The following POLR1A variants were observed in gnomAD, a reference collection of about 807,000 sequenced individuals.
POLR1A encodes DNA-directed RNA polymerase I subunit RPA1.
POLR1A carries 84 observed loss-of-function variants against 205.3 expected under a neutral mutation model. That is an observed-to-expected ratio of 0.41 (90% CI 0.34 to 0.49). The LOEUF is 0.49. POLR1A is among the 20% of genes least tolerant of loss of function. The pLI is 0.22. For missense variants in POLR1A, 1,645 were observed against 2,204.5 expected (o/e 0.75, Z 5.08); for synonymous variants, 799 against 863.7 (o/e 0.93, Z 1.31).
chr2:86,089,808 C>G lies in POLR1A; in HGVS notation c.540+14G>C, dbSNP rs1673569514. The G allele has an allele frequency of 1.4e-6, 2 of 1,437,166 alleles. No individual in the cohort carries two copies. The highest frequency in any genetic ancestry group is 1.1e-5 in the South Asian group (1 of 87,350). The allele number at this position is 1,437,166 out of a possible 1,614,324, so 89.0% of individuals were successfully genotyped here. ...TGCCCAAAACAGCATGGGAGAAAGA[C>G]AGTGTTAACTCACATGTGCGCCCTG... On this transcript the variant is annotated intron_variant, in intron 4 of 33. Coordinates refer to ENST00000263857, the MANE Select transcript of POLR1A (RefSeq NM_015425.6).
chr2:86,049,021 G>C lies in POLR1A; in HGVS notation c.2497C>G (p.Leu833Val), dbSNP rs202117941. 6.2e-7 allele frequency: 1 copy of C among 1,614,242 alleles called. No individual in the cohort carries two copies. Among genetic ancestry groups the C allele is most frequent in the Non-Finnish European group, 8.5e-7 (1 of 1,180,034 alleles). ...GPQAVRAALNLPEAASYDEVR... is the reference protein window; with the variant it reads ...GPQAVRAALNVPEAASYDEVR... ...TCATCATATGATGCGGCTTCTGGCA[G>C]GTTTAATGCAGCCCTGACAGCCTAG... is the stretch of plus-strand genomic sequence containing the variant. Residue 833 changes from leucine (L) to valine (V), a missense_variant, in exon 18 of 34, where the codon CTG becomes GTG. Physicochemically the swap from Leu to Val is conservative, Grantham distance 32. Coordinates refer to ENST00000263857, the MANE Select transcript of POLR1A (RefSeq NM_015425.6).
intron 6 of POLR1A, 32 bp downstream of exon 6, chr2:86,088,534 A>T: frequency 7.3e-7 from 1 of 1,377,316 alleles, no homozygotes. Flanking sequence ...CTGGCCTCAC[A>T]TGGAGCTCCT....
intron 24 of POLR1A, 105 bp from the exon 25 acceptor site, chr2:86,040,664 C>A: frequency 1.1e-6 from 1 of 895,192 alleles, no homozygotes; most frequent in South Asian, 2.0e-5. Context: ...AAACCTCTAC[C>A]TCTTTCTGGA....
intron 16 of POLR1A, among the ~76,000 whole-genome samples, chr2:86,049,516 A>G (rs954905739): frequency 6.6e-6 from 1 of 152,218 alleles, no homozygotes; most frequent in Non-Finnish European, 1.5e-5. Context: ...AAGTAAACCC[A>G]GGCCTGGGTC....
rs1690143132 is a variant in POLR1A at position 86,021,784 on chromosome 2, C to T, written c.*5639G>A. 1 of 152,294 alleles carries T rather than the reference C, an allele frequency of 6.6e-6. No homozygotes were observed. Among genetic ancestry groups the T allele is most frequent in the African/African-American group, 2.4e-5 (1 of 41,448 alleles). 9.4% of individuals were successfully genotyped at this position (152,294 alleles called of 1,614,324 possible). A position where few individuals can be genotyped will look rare whatever the true frequency, so the allele number is the denominator to read the frequency against. ...TGGGGGAGGGAATGGTGAGGATGGGCATGGTCAGGTATCTGTCGGCTGGGA... is the reference window on the plus strand; with the variant it reads ...TGGGGGAGGGAATGGTGAGGATGGGTATGGTCAGGTATCTGTCGGCTGGGA... On this transcript the variant is annotated 3_prime_UTR_variant, in exon 34 of 34. Coordinates refer to ENST00000263857, the MANE Select transcript of POLR1A (RefSeq NM_015425.6).
intron 24 of POLR1A, among the ~76,000 whole-genome samples, chr2:86,041,216 GTGTGTGTGTGTGTGCTGAGCTACAGTGTC>G: frequency 7.0e-6 from 1 of 143,676 alleles, no homozygotes; most frequent in Non-Finnish European, 1.5e-5. Flanking sequence ...GTGTCTGTGT[GTGTGTGTGTGTGTGCTGAGCTACAGTGTC>G]TGTGTGTGTG....
At chr2:86,038,202 C>G (rs1218742879) in intron 27 of POLR1A, among the ~76,000 whole-genome samples, 1 of 152,252 alleles carries the variant, frequency 6.6e-6, no homozygotes, top group Admixed American at 6.5e-5. Flanking sequence ...TCGAATTTCT[C>G]TGGAGGCAAT....
chr2:86,105,833 C>T lies in POLR1A; in HGVS notation c.-57G>A, dbSNP rs1425284606. 2 of 1,438,382 alleles carry T rather than the reference C, an allele frequency of 1.4e-6. No individual in the cohort carries two copies. The highest frequency in any genetic ancestry group is 2.8e-5 in the African/African-American group (2 of 71,444). 89.1% of individuals were successfully genotyped at this position (1,438,382 alleles called of 1,614,324 possible). ...AAGAGACGTTCCACTCACCACCTGA[C>T]TATTCTTAATTCAACCTCAAGCCCG... On this transcript the variant is annotated 5_prime_UTR_variant, in exon 1 of 34. Transcript: ENST00000263857.
At chr2:86,082,312 A>G (rs1226175807) in intron 7 of POLR1A, among the ~76,000 whole-genome samples, 1 of 152,144 alleles carries the variant, frequency 6.6e-6, no homozygotes, top group African/African-American at 2.4e-5. Flanking sequence ...TGGACTATTA[A>G]AACACAGACA....
In POLR1A at chr2:86,028,142, G is replaced by A. The variant is rs1320821419; in HGVS notation, c.4898-93C>T. 8 of 1,219,566 alleles carry A rather than the reference G, an allele frequency of 6.6e-6. No individual in the cohort carries two copies. The highest frequency in any genetic ancestry group is 9.6e-6 in the Non-Finnish European group (8 of 830,830). 75.5% of individuals were successfully genotyped at this position (1,219,566 alleles called of 1,614,324 possible). ...CCAAGCTGCCTCCACATCAGCACAT[G>A]GCTTGGGAGTTAGACTCTGGGGCTC... is the stretch of plus-strand genomic sequence containing the variant. On this transcript the variant is annotated intron_variant, in intron 32 of 33. Coordinates refer to ENST00000263857, the MANE Select transcript of POLR1A (RefSeq NM_015425.6). This position sits in a 1 kb window ranked among gnomAD's most constrained non-coding sequence, Gnocchi z 4.5.
chr2:86,029,377 T>A (rs1672335370), intron 31 of POLR1A, among the ~76,000 whole-genome samples: 1 of 151,642 alleles, frequency 6.6e-6, no homozygotes. Flanking sequence ...AGTTCCTCAG[T>A]GTTCTGTGGG....
At chr2:86,078,542 G>A (rs1673339560) in intron 9 of POLR1A, among the ~76,000 whole-genome samples, 1 of 152,206 alleles carries the variant, frequency 6.6e-6, no homozygotes, top group African/African-American at 2.4e-5. Flanking sequence ...TTATAAGCAT[G>A]CTTCTTTCTT....
chr2:86,094,645 C>T (rs969198877), intron 3 of POLR1A, among the ~76,000 whole-genome samples: 10 of 152,218 alleles, frequency 6.6e-5, no homozygotes, highest in South Asian at 2.1e-4. Context: ...ACTTTACACC[C>T]GAACTTTTAA....
intron 21 of POLR1A, 26 bp from the exon 22 acceptor site, chr2:86,044,330 C>A (rs748782347): frequency 6.2e-7 from 1 of 1,613,024 alleles, no homozygotes; most frequent in East Asian, 2.2e-5. Flanking sequence ...CGGCTCAGTC[C>A]CCGCCGGCCC....
intron 20 of POLR1A, 23 bp from the exon 21 acceptor site, chr2:86,045,383 C>T: frequency 6.3e-7 from 1 of 1,586,984 alleles, no homozygotes; most frequent in Non-Finnish European, 8.7e-7. Context: ...GGACCCAGGT[C>T]CCAAAGGTGA....
Position 86,027,372 on chromosome 2 carries a change from A to G in POLR1A, c.*51T>C. 1 of 1,458,432 alleles carries G rather than the reference A, an allele frequency of 6.9e-7. No homozygotes were observed. The highest frequency in any genetic ancestry group is 1.4e-5 in the African/African-American group (1 of 71,998). 90.3% of individuals were successfully genotyped at this position (1,458,432 alleles called of 1,614,324 possible). ...TCTCATGCAGAAGGCAGGCTGGGCC[A>G]CGCCCTCACCAAGGGTCCTTGGAGC... On this transcript the variant is annotated 3_prime_UTR_variant, in exon 34 of 34. Coordinates refer to ENST00000263857, the MANE Select transcript of POLR1A (RefSeq NM_015425.6).
At chr2:86,048,511 G>A (rs543396507) in intron 18 of POLR1A, among the ~76,000 whole-genome samples, 2 of 152,348 alleles carry the variant, frequency 1.3e-5, no homozygotes, top group South Asian at 2.1e-4. Flanking sequence ...TGGAACCTGA[G>A]CCTTCACTCC....
Position 86,069,997 on chromosome 2 carries a change from C to G in POLR1A, c.1866+21G>C. On this transcript the variant is annotated intron_variant, in intron 13 of 33. Transcript: ENST00000263857. ...AGTCATGCTGACGATGACCACGGAA[C>G]AGCCTCAAGGCCAGACCTACCTTGG... The G allele has an allele frequency of 5.0e-6, 8 of 1,605,268 alleles. No individual in the cohort carries two copies. In the South Asian group the frequency reaches 5.5e-5, roughly 11 times the overall value.
chr2:86,078,253 G>C lies in POLR1A; in HGVS notation c.1118C>G (p.Ser373Cys). The stretch of plus-strand genomic sequence containing the variant: ...CTGGCCTGGAAGTGTACTCAAAAAG[G>C]ATCGGTCAATAGCAATCAAAGAGTC... ...EKDSLIAIDRSFLSTLPGQSL... is the reference protein window; with the variant it reads ...EKDSLIAIDRCFLSTLPGQSL... Residue 373 changes from serine to cysteine, a missense_variant, in exon 10 of 34, where the codon TCC becomes TGC. Ser to Cys is a moderately radical substitution (Grantham distance 112). Coordinates refer to ENST00000263857, the MANE Select transcript of POLR1A (RefSeq NM_015425.6). The C allele has an allele frequency of 6.3e-7, 1 of 1,598,418 alleles. No homozygotes were observed.
Sources: gnomAD v4.1 joint callset for allele counts (sites outside exome capture counted in the v4.1 genomes callset) on GRCh38, gnomAD v4.1.1 for gene constraint, Gnocchi (gnomAD v3.1) non-coding constraint, MANE v1.5 for transcripts, NCBI Gene and HGNC (gene_info 2026-07-23, HGNC 2026-07-21) for gene names.